PRIM1: variants seen among roughly 807,000 people sequenced by gnomAD.
PRIM1 encodes the protein DNA primase subunit 1.
Under a neutral mutation model 60.2 loss-of-function variants are expected in PRIM1, and 38 were observed. The ratio of observed to expected loss-of-function variants is 0.63; its 90% confidence interval spans 0.49 to 0.83. The LOEUF (loss-of-function observed/expected upper bound fraction) is 0.83, where lower values mean the gene tolerates loss of function less well. Among genes scored for constraint, PRIM1 ranks in the 40% least tolerant of loss-of-function variants. The pLI, the probability that PRIM1 is intolerant of heterozygous loss-of-function variation, is 0.00. For synonymous variants in PRIM1, 158 were observed against 160.2 expected, an observed-to-expected ratio of 0.99 and a Z score of 0.10; for missense variants, 388 against 506.2, an observed-to-expected ratio of 0.77 and a Z score of 2.24.
chr12:56,731,752 A>G lies in PRIM1; in HGVS notation c.1244-18T>C. 1.3e-6 allele frequency: 2 copies of G among 1,483,892 alleles called. No homozygotes were observed. The highest frequency in any genetic ancestry group is 1.8e-6 in the Non-Finnish European group (2 of 1,094,972). 91.9% of individuals were successfully genotyped at this position (1,483,892 alleles called of 1,614,324 possible). The stretch of plus-strand genomic sequence containing the variant: ...TTGTAAATCTAAAATAGAATAGATA[A>G]TATATGGAAGAACAGCAAAGGAAAC... On this transcript the variant is annotated intron_variant, in intron 12 of 12. Transcript: ENST00000338193.
intron 6 of PRIM1, 21 bp downstream of exon 6, chr12:56,744,044 T>G (rs1026565): frequency 6.5e-7 from 1 of 1,538,208 alleles, no homozygotes; most frequent in African/African-American, 1.4e-5. Flanking sequence ...CTTAAAGTGC[T>G]TGGAGACTTT....
intron 7 of PRIM1, 198 bp from the exon 8 acceptor site, chr12:56,742,035 G>A (rs774592461): frequency 2.8e-5 from 16 of 566,788 alleles, no homozygotes; most frequent in African/African-American, 2.6e-4. Flanking sequence ...GGTGGATCAC[G>A]TGAGGTCAGG....
chr12:56,731,841 G>T, intron 12 of PRIM1, 107 bp from the exon 13 acceptor site: 1 of 861,750 alleles, frequency 1.2e-6, no homozygotes. Context: ...CACACATCAT[G>T]CACAAAGATT....
intron 12 of PRIM1, among the ~76,000 whole-genome samples, chr12:56,732,593 G>A (rs1490017547): frequency 6.6e-6 from 1 of 152,022 alleles, no homozygotes; most frequent in Non-Finnish European, 1.5e-5. Flanking sequence ...AAACACATAA[G>A]CTTGGAATTC....
chr12:56,746,627 C>G (rs1158150842), intron 4 of PRIM1, 154 bp downstream of exon 4: 5 of 236,408 alleles, frequency 2.1e-5, no homozygotes, highest in Admixed American at 1.5e-4. Context: ...TGAGACTCGT[C>G]ACACACACAC....
chr12:56,738,132 A>G (rs926263303), intron 11 of PRIM1, among the ~76,000 whole-genome samples: 1 of 152,258 alleles, frequency 6.6e-6, no homozygotes, highest in East Asian at 1.9e-4. Context: ...TACTGCATAT[A>G]TAATAGTTGT....
intron 6 of PRIM1, chr12:56,743,840 A>G (rs1204617509): frequency 4.8e-6 from 2 of 415,146 alleles, no homozygotes; most frequent in Non-Finnish European, 8.6e-6. Flanking sequence ...CTTATCTATA[A>G]ATGGAGATAC....
intron 2 of PRIM1, among the ~76,000 whole-genome samples, chr12:56,750,033 G>A (rs1049314052): frequency 2.0e-5 from 3 of 152,144 alleles, no homozygotes; most frequent in Non-Finnish European, 4.4e-5. Context: ...AGATTTGAAG[G>A]AGGTGAGGGG....
At chr12:56,747,114 G>A in intron 2 of PRIM1, 82 bp from the exon 3 acceptor site, 1 of 1,186,342 alleles carries the variant, frequency 8.4e-7, no homozygotes, top group Non-Finnish European at 1.2e-6. Flanking sequence ...TATGGAAAAA[G>A]TTGCCAAACA....
intron 2 of PRIM1, among the ~76,000 whole-genome samples, chr12:56,747,926 A>G (rs1370257722): frequency 2.0e-5 from 3 of 152,090 alleles, no homozygotes; most frequent in Admixed American, 6.6e-5. Flanking sequence ...GATACCAGGT[A>G]TTGTTGGAAT....
Position 56,752,280 on chromosome 12 carries a change from T to TG in PRIM1, c.18dup (p.Thr7HisfsTer8), listed in dbSNP as rs767112297. Reference sequence around the variant, plus strand: ...AGTTTAAGCAGCTCGGGCAGCTCGGTGGGGTCAAACGTCTCCATTGAGCGC... The same window carrying TG: ...AGTTTAAGCAGCTCGGGCAGCTCGGTGGGGGTCAAACGTCTCCATTGAGCGC... On this transcript the variant is annotated frameshift_variant, in exon 1 of 13. Transcript: ENST00000338193. LOFTEE classifies it high-confidence loss of function. The TG allele has an allele frequency of 6.3e-7, 1 of 1,588,220 alleles. No individual in the cohort carries two copies. The highest frequency in any genetic ancestry group is 8.6e-7 in the Non-Finnish European group (1 of 1,167,058).
intron 11 of PRIM1, among the ~76,000 whole-genome samples, chr12:56,735,693 C>G (rs1953822529): frequency 6.6e-6 from 1 of 151,474 alleles, no homozygotes; most frequent in Non-Finnish European, 1.5e-5. Context: ...CTCTGTCTCC[C>G]AGGCTGGAGT....
At chr12:56,739,472 G>C in intron 9 of PRIM1, 109 bp from the exon 10 acceptor site, 1 of 609,002 alleles carries the variant, frequency 1.6e-6, no homozygotes, top group Non-Finnish European at 2.7e-6. Context: ...TAGACAAAGG[G>C]TTAAACTTAT....
At chr12:56,739,233 A>G in intron 10 of PRIM1, 61 bp downstream of exon 10, 1 of 1,293,590 alleles carries the variant, frequency 7.7e-7, no homozygotes, top group Non-Finnish European at 1.0e-6. Context: ...GGCTAATTCA[A>G]TTTATTTAAA....
rs761621132 is a variant in PRIM1, at chr12:56,746,844, T to C, written c.379A>G (p.Ile127Val). The C allele has an allele frequency of 5.0e-6, 8 of 1,613,814 alleles. No individual in the cohort carries two copies. The highest frequency in any genetic ancestry group is 2.7e-5 in the African/African-American group (2 of 74,926). Residue 127 changes from isoleucine to valine, a missense_variant, in exon 4 of 13, where the codon ATA (isoleucine) becomes GTA (valine). By Grantham distance (29) the Ile-to-Val change is conservative (BLOSUM62 3). This residue lies in a region of PRIM1 where 156 missense variants were observed against 175.8 expected (regional missense o/e 0.89). Transcript: ENST00000338193. ...DVRRCCSSAD[I>V]CPKCWTLMTM... ...ATGAGGGTCCAGCACTTAGGACATA[T>C]GTCTGCAGAACTAAAGCAGAGTCAT...
chr12:56,739,430 G>T (rs1953856570), intron 9 of PRIM1, 67 bp from the exon 10 acceptor site: 1 of 1,075,888 alleles, frequency 9.3e-7, no homozygotes. Context: ...TCTCCTACAG[G>T]TTATTTTTGG....
Position 56,743,895 on chromosome 12 carries a change from C to CT in PRIM1, c.638+169dup, listed in dbSNP as rs1953889027. On this transcript the variant is annotated intron_variant, in intron 6 of 12. Transcript: ENST00000338193. ...TTTTTTTGAAGAGCAATGAGAACAT[C>CT]TGTAAAGCACCTTTTAGGAATACTG... The CT allele has an allele frequency of 6.0e-6, 3 of 499,954 alleles. No homozygotes were observed. The South Asian group carries it at 1.1e-4, about 19-fold the overall frequency. 31.0% of individuals were successfully genotyped at this position (499,954 alleles called of 1,614,324 possible).
At chr12:56,745,569 T>A (rs573728183) in intron 5 of PRIM1, among the ~76,000 whole-genome samples, 1 of 152,120 alleles carries the variant, frequency 6.6e-6, no homozygotes, top group Non-Finnish European at 1.5e-5. Context: ...AAATGAAATA[T>A]CTTAAAACAT....
At chr12:56,743,121 A>T (rs965244617) in intron 6 of PRIM1, 25 bp from the exon 7 acceptor site, 3 of 1,508,374 alleles carry the variant, frequency 2.0e-6, no homozygotes, top group Non-Finnish European at 2.6e-6. Flanking sequence ...ATAACAACAG[A>T]GTCCCAACAC....
Sources: allele counts gnomAD v4.1 joint callset (sites outside exome capture counted in the v4.1 genomes callset), GRCh38; gene constraint gnomAD v4.1.1; regional missense constraint gnomAD v4.1.1; transcripts MANE v1.5; gene names NCBI Gene and HGNC (gene_info 2026-07-23, HGNC 2026-07-21).